NAP1L1: variants seen among roughly 807,000 people sequenced by gnomAD.
NAP1L1 encodes nucleosome assembly protein 1 like 1, also known as nucleosome assembly protein 1-like 1.
In NAP1L1, 9 loss-of-function variants were observed where a neutral mutation model predicts 58.9. That is an observed-to-expected ratio of 0.15 (90% CI 0.09 to 0.27). NAP1L1 has a LOEUF of 0.27. NAP1L1 is among the 10% of genes least tolerant of loss of function. The probability of loss-of-function intolerance (pLI) is 1.00; values close to 1 mark genes in which losing one functional copy is unlikely to be tolerated. For missense variants in NAP1L1, 302 were observed against 458.8 expected, an observed-to-expected ratio of 0.66 and a Z score of 3.12; for synonymous variants, 130 against 138.3, an observed-to-expected ratio of 0.94 and a Z score of 0.42.
In NAP1L1 at chr12:76,047,537, G is replaced by A. The variant is rs562824804; in HGVS notation, c.*892C>T. 12 of 150,844 alleles carry A rather than the reference G, an allele frequency of 8.0e-5. No individual in the cohort carries two copies. In the East Asian group the frequency reaches 2.3e-3, roughly 29 times the overall value. 9.3% of individuals were successfully genotyped at this position (150,844 alleles called of 1,614,324 possible). A position where few individuals can be genotyped will look rare whatever the true frequency, so the allele number is the denominator to read the frequency against. On this transcript the variant is annotated 3_prime_UTR_variant, in exon 15 of 15. Coordinates refer to ENST00000618691, the MANE Select transcript of NAP1L1 (RefSeq NM_004537.7). ...TGAGTATAACCCTTAATTCAAGGTA[G>A]GCCTCTACTTCTACCTGAATTGGTA... is the stretch of plus-strand genomic sequence containing the variant.
rs10693123 is a variant in NAP1L1, at chr12:76,063,881, T to TAAA, written c.206+3487_206+3489dup. On this transcript the variant is annotated intron_variant, in intron 4 of 14. Coordinates refer to ENST00000618691, the MANE Select transcript of NAP1L1 (RefSeq NM_004537.7). ...AAAAAGACATACTAGGTTAAAAGTT[T>TAAA]AAAAAAAAAAAAAAAAAAAAAGAGG... is the stretch of plus-strand genomic sequence containing the variant. Among the ~76,000 whole-genome samples the TAAA allele has an allele frequency of 2.3e-3, 319 of 137,424 alleles. 4 individuals carry two copies. Among genetic ancestry groups the TAAA allele is most frequent in the South Asian group, 4.4e-3 (18 of 4,072 alleles). 90.2% of individuals were successfully genotyped at this position (137,424 alleles called of 152,430 possible).
At chr12:76,048,951 C>A in intron 14 of NAP1L1, 1 of 520,042 alleles carries the variant, frequency 1.9e-6, no homozygotes, top group Non-Finnish European at 3.4e-6. Context: ...AAAATAGAAT[C>A]CTAGGGTTCA....
rs549573163 is a variant in NAP1L1 at position 76,054,281 on chromosome 12, C to T, written c.631-372G>A. Among the ~76,000 whole-genome samples the T allele has an allele frequency of 3.0e-4, 33 of 109,284 alleles. No homozygotes were observed. The South Asian group carries it at 8.5e-3, about 28-fold the overall frequency. The allele number at this position is 109,284 out of a possible 152,430, so 71.7% of individuals were successfully genotyped here. A position where few individuals can be genotyped will look rare whatever the true frequency, so the allele number is the denominator to read the frequency against. On this transcript the variant is annotated intron_variant, in intron 8 of 14. Coordinates refer to ENST00000618691, the MANE Select transcript of NAP1L1 (RefSeq NM_004537.7). ...CGGACCTCAAGTGATCCACCCACCT[C>T]GGCCTCCCAAAGTGCTGGGATTACA... is the stretch of plus-strand genomic sequence containing the variant.
intron 1 of NAP1L1, among the ~76,000 whole-genome samples, chr12:76,076,376 C>T (rs1040605219): frequency 6.6e-6 from 1 of 152,014 alleles, no homozygotes; most frequent in African/African-American, 2.4e-5. Context: ...TCTTGACAAT[C>T]ATAGCGTTGT....
At chr12:76,058,103 C>G in intron 6 of NAP1L1, 3 of 742,850 alleles carry the variant, frequency 4.0e-6, no homozygotes, top group Non-Finnish European at 7.6e-6. Flanking sequence ...ATGACAGCAT[C>G]GAAGATCTTG....
chr12:76,066,647 T>C (rs1004312208), intron 4 of NAP1L1, among the ~76,000 whole-genome samples: 2 of 152,132 alleles, frequency 1.3e-5, no homozygotes, highest in African/African-American at 2.4e-5. Context: ...AAAAACACTA[T>C]GAAGCTGGAT....
At chr12:76,058,636 T>G (rs1949254929) in intron 6 of NAP1L1, among the ~76,000 whole-genome samples, 1 of 152,140 alleles carries the variant, frequency 6.6e-6, no homozygotes, top group African/African-American at 2.4e-5. Context: ...TTGGCCCACC[T>G]AGGCCTCCCA....
intron 6 of NAP1L1, among the ~76,000 whole-genome samples, chr12:76,058,466 A>G (rs1949243240): frequency 6.7e-6 from 1 of 149,942 alleles, no homozygotes; most frequent in Non-Finnish European, 1.5e-5. Context: ...GGCTCACTGC[A>G]ACCTCGACTT....
intron 4 of NAP1L1, among the ~76,000 whole-genome samples, chr12:76,062,193 C>T (rs1034180418): frequency 1.3e-5 from 2 of 152,198 alleles, no homozygotes; most frequent in Non-Finnish European, 2.9e-5. Flanking sequence ...AGCCTTCAAA[C>T]ATGTATTTGA....
intron 6 of NAP1L1, among the ~76,000 whole-genome samples, chr12:76,058,853 A>G (rs184193120): frequency 1.3e-5 from 2 of 152,236 alleles, no homozygotes; most frequent in East Asian, 3.9e-4. Context: ...TAGTTTTGAG[A>G]TGGGTGAGAA....
intron 1 of NAP1L1, among the ~76,000 whole-genome samples, chr12:76,080,215 A>G (rs1348518236): frequency 6.6e-6 from 1 of 152,228 alleles, no homozygotes; most frequent in African/African-American, 2.4e-5. Context: ...GTAATGTCAC[A>G]GCTCAATTCA....
rs964318924 is a variant in NAP1L1 at position 76,041,904 on chromosome 12, C to T, written c.*6525G>A. 5 of 152,040 alleles carry T rather than the reference C, an allele frequency of 3.3e-5. No individual in the cohort carries two copies. The highest frequency in any genetic ancestry group is 9.7e-5 in the African/African-American group (4 of 41,390). 9.4% of individuals were successfully genotyped at this position (152,040 alleles called of 1,614,324 possible). The stretch of plus-strand genomic sequence containing the variant: ...AAGCATGAGAAATCCAAATATATAG[C>T]GATACCTCATTTCGTTTTACCCTAG... On this transcript the variant is annotated 3_prime_UTR_variant, in exon 15 of 15. Coordinates refer to ENST00000618691, the MANE Select transcript of NAP1L1 (RefSeq NM_004537.7).
intron 13 of NAP1L1, 77 bp from the exon 14 acceptor site, chr12:76,049,327 A>G: frequency 6.2e-7 from 1 of 1,608,326 alleles, no homozygotes; most frequent in Non-Finnish European, 8.5e-7. Context: ...GGAAAATTTA[A>G]TACAAGTTAC....
At chr12:76,079,499 T>C (rs1235171614) in intron 1 of NAP1L1, among the ~76,000 whole-genome samples, 1 of 152,062 alleles carries the variant, frequency 6.6e-6, no homozygotes, top group East Asian at 1.9e-4. Context: ...AAATCTGTAA[T>C]GTAAAAGACA....
intron 6 of NAP1L1, chr12:76,058,223 A>G (rs1592638562): frequency 8.8e-6 from 2 of 227,680 alleles, no homozygotes; most frequent in Non-Finnish European, 1.9e-5. Flanking sequence ...ATATATATAT[A>G]TGTATTCTAC....
chr12:76,081,369 A>G (rs922127343), intron 1 of NAP1L1, among the ~76,000 whole-genome samples: 5 of 152,210 alleles, frequency 3.3e-5, no homozygotes, highest in Non-Finnish European at 7.3e-5. Flanking sequence ...ATAATCAATC[A>G]GTGTTGCCTA....
chr12:76,067,495 G>C, intron 3 of NAP1L1, 22 bp from the exon 4 acceptor site: 1 of 1,533,926 alleles, frequency 6.5e-7, no homozygotes, highest in East Asian at 2.3e-5. Context: ...AAAGGGCATC[G>C]AAAGAAGGAT....
intron 11 of NAP1L1, among the ~76,000 whole-genome samples, chr12:76,051,398 T>C (rs1011335333): frequency 6.6e-6 from 1 of 151,696 alleles, no homozygotes; most frequent in African/African-American, 2.4e-5. Context: ...ACATAGCAAA[T>C]AGAAGGACAT....
rs1176117892 is a variant in NAP1L1, at chr12:76,047,399, A to G, written c.*1030T>C. 2 of 150,838 alleles carry G rather than the reference A, an allele frequency of 1.3e-5. No individual in the cohort carries two copies. The highest frequency in any genetic ancestry group is 3.9e-4 in the East Asian group (2 of 5,170). 9.3% of individuals were successfully genotyped at this position (150,838 alleles called of 1,614,324 possible). A position where few individuals can be genotyped will look rare whatever the true frequency, so the allele number is the denominator to read the frequency against. Reference sequence around the variant, plus strand: ...TTTTTTTTTTTTTTTAAAAGAAAACAGCATCAATCACTTAAGATTTTCTTC... The same window carrying G: ...TTTTTTTTTTTTTTTAAAAGAAAACGGCATCAATCACTTAAGATTTTCTTC... On this transcript the variant is annotated 3_prime_UTR_variant, in exon 15 of 15. Coordinates refer to ENST00000618691, the MANE Select transcript of NAP1L1 (RefSeq NM_004537.7).
Sources: gnomAD v4.1 joint callset for allele counts (sites outside exome capture counted in the v4.1 genomes callset) on GRCh38, gnomAD v4.1.1 for gene constraint, MANE v1.5 for transcripts, NCBI Gene and HGNC (gene_info 2026-07-23, HGNC 2026-07-21) for gene names.